Variants in USP36 observed in about 807,000 individuals in gnomAD.
The protein encoded by USP36 is ubiquitin specific peptidase 36.
In USP36, 59 loss-of-function variants were observed where a neutral mutation model predicts 111.5. That is an observed-to-expected ratio of 0.53 (90% CI 0.43 to 0.66). USP36 has a LOEUF of 0.66. USP36 is among the 30% of genes least tolerant of loss of function. The pLI is 0.00. For synonymous variants in USP36, 628 were observed against 581.0 expected (o/e 1.08, Z -1.16); for missense variants, 1,488 against 1,468.0 (o/e 1.01, Z -0.22).
intron 6 of USP36, among the ~76,000 whole-genome samples, chr17:78,824,378 C>G (rs970030161): frequency 6.6e-6 from 1 of 152,172 alleles, no homozygotes; most frequent in Non-Finnish European, 1.5e-5. Context: ...AAAACAGGAC[C>G]AGGTGCATTT....
rs1567925596 is a variant in USP36, at chr17:78,807,407, GA to G, written c.1636del (p.Ser546ProfsTer51). On this transcript the variant is annotated frameshift_variant, in exon 14 of 21. Transcript: ENST00000449938. LOFTEE classifies it high-confidence loss of function. The stretch of plus-strand genomic sequence containing the variant: ...AGGCAGCCCCTGAGCAGTTCTGGGG[GA>G]AAAGTGCTGTGGAGGAGCTGGCTTC... ...VKKPAPPQHF[S>X]PRTAQGLPGT... is the part of the protein sequence containing the mutation. 2.5e-6 allele frequency: 4 copies of G among 1,614,194 alleles called. No individual in the cohort carries two copies. Among genetic ancestry groups the G allele is most frequent in the Non-Finnish European group, 3.4e-6 (4 of 1,180,024 alleles).
intron 15 of USP36, among the ~76,000 whole-genome samples, chr17:78,804,288 C>G (rs1476963946): frequency 6.6e-6 from 1 of 151,786 alleles, no homozygotes; most frequent in African/African-American, 2.4e-5. Context: ...ATGGTGAAAC[C>G]CCATCTCTAC....
intron 15 of USP36, 54 bp downstream of exon 15, chr17:78,806,102 C>G (rs376357967): frequency 2.9e-5 from 47 of 1,608,302 alleles, no homozygotes; most frequent in East Asian, 2.5e-4. Context: ...GCCAAGCACA[C>G]GCAACCACAG....
chr17:78,799,595 C>T, intron 18 of USP36, 72 bp downstream of exon 18: 6 of 1,380,490 alleles, frequency 4.3e-6, no homozygotes, highest in Non-Finnish European at 6.1e-6. Context: ...CACCAGGATC[C>T]ATTCCACACC....
At chr17:78,827,562 G>A (rs1170060199) in intron 5 of USP36, among the ~76,000 whole-genome samples, 2 of 152,168 alleles carry the variant, frequency 1.3e-5, no homozygotes, top group Admixed American at 6.5e-5. Flanking sequence ...TTGCAGGCTT[G>A]AGCATTCACT....
At chr17:78,817,304 A>G (rs1421763032) in intron 10 of USP36, among the ~76,000 whole-genome samples, 2 of 152,216 alleles carry the variant, frequency 1.3e-5, no homozygotes, top group African/African-American at 4.8e-5. Flanking sequence ...GTTACACGAC[A>G]CCTGAGTCTA....
chr17:78,798,094 C>A lies in USP36; in HGVS notation c.*21-215G>T. On this transcript the variant is annotated intron_variant, in intron 20 of 20. Transcript: ENST00000449938. This position sits in a 1 kb window ranked among gnomAD's most constrained non-coding sequence, Gnocchi z 5.1. ...CCCACACATGCCCTTCTCCAAGTGA[C>A]CAGAACACATGCCACAGATGCCAGG... 2.8e-6 allele frequency: 1 copy of A among 351,888 alleles called. No individual in the cohort carries two copies. Among genetic ancestry groups the A allele is most frequent in the East Asian group, 4.7e-5 (1 of 21,056 alleles). The allele number at this position is 351,888 out of a possible 1,614,324, so 21.8% of individuals were successfully genotyped here.
In USP36 at chr17:78,799,695, G is replaced by A; in HGVS notation, c.3096C>T (p.Tyr1032=). Residue 1032 remains tyrosine (Y), a synonymous_variant, in exon 18 of 21, where the codon TAC becomes TAT. Coordinates refer to ENST00000449938, the MANE Select transcript of USP36 (RefSeq NM_001385174.1). The stretch of plus-strand genomic sequence containing the variant: ...TTCTCCCGTAAGCTTTATCAGATGA[G>A]TATTTGAGCAGTTCCTGGACCACAT... ...ESDVVQELLK[Y]SSDKAYGRKV... is the part of the protein sequence containing the mutation. 1 of 1,613,118 alleles carries A rather than the reference G, an allele frequency of 6.2e-7. No individual in the cohort carries two copies. Among genetic ancestry groups the A allele is most frequent in the Non-Finnish European group, 8.5e-7 (1 of 1,179,672 alleles).
chr17:78,821,033 C>G lies in USP36; in HGVS notation c.786G>C (p.Ser262=), dbSNP rs773635221. 1 of 1,607,196 alleles carries G rather than the reference C, an allele frequency of 6.2e-7. No homozygotes were observed. The highest frequency in any genetic ancestry group is 8.5e-7 in the Non-Finnish European group (1 of 1,176,858). ...RVKCSVCKSV[S]DTYDPYLDVA... ...CGTCCAAGTAGGGGTCGTAGGTGTC[C>G]GAGACGCTCTTGCACACGGAGCACT... Residue 262 remains serine (S), a synonymous_variant, in exon 8 of 21, where the codon TCG becomes TCC. Transcript: ENST00000449938.
At chr17:78,822,133 C>G (rs920781428) in intron 6 of USP36, 129 bp from the exon 7 acceptor site, 3 of 1,002,978 alleles carry the variant, frequency 3.0e-6, no homozygotes, top group Non-Finnish European at 4.6e-6. Context: ...ACCCCCCACC[C>G]GAGTCACCAC....
intron 3 of USP36, among the ~76,000 whole-genome samples, chr17:78,789,612 A>C (rs374268620): frequency 9.8e-5 from 15 of 152,324 alleles, no homozygotes; most frequent in African/African-American, 3.6e-4. Context: ...GAAAACCCCC[A>C]GATTTTATTT....
intron 12 of USP36, among the ~76,000 whole-genome samples, chr17:78,813,419 C>T (rs1308536702): frequency 2.0e-5 from 3 of 152,194 alleles, no homozygotes; most frequent in East Asian, 1.9e-4. Flanking sequence ...CCCACAAACA[C>T]GTCCTTCCCA....
In USP36 at chr17:78,798,904, A is replaced by C. The variant is rs564274157; in HGVS notation, c.3240+4T>G. ...AAGCCTGTGGTCAGCATCACACATC[A>C]TACCTTCCCTCGGTCAAACTCTTCG... On this transcript the variant is annotated splice_donor_region_variant and intron_variant, in intron 19 of 20. Transcript: ENST00000449938. The surrounding 1 kb of genome is among the most constrained non-coding windows in gnomAD (Gnocchi z 5.1). The C allele has an allele frequency of 6.2e-7, 1 of 1,613,942 alleles. No homozygotes were observed. Among genetic ancestry groups the C allele is most frequent in the Non-Finnish European group, 8.5e-7 (1 of 1,179,998 alleles).
rs886156224 is a variant in USP36 at position 78,835,344 on chromosome 17, G to C, written c.411C>G (p.Ile137Met). 7 of 1,614,234 alleles carry C rather than the reference G, an allele frequency of 4.3e-6. No individual in the cohort carries two copies. Among genetic ancestry groups the C allele is most frequent in the Non-Finnish European group, 5.9e-6 (7 of 1,180,042 alleles). Reference protein sequence around the residue: ...LGNTCFLNATIQCLTYTPPLA... With the variant: ...LGNTCFLNATMQCLTYTPPLA... ...GAGGTGGTGTGTAGGTCAAGCACTG[G>C]ATGGTGGCATTGAGAAAGCAGGTGT... Residue 137 changes from isoleucine to methionine, a missense_variant, in exon 4 of 21, where the codon ATC (isoleucine) becomes ATG (methionine). By Grantham distance (10) the Ile-to-Met change is conservative. Around this residue, in one of 3 missense-constraint regions of USP36, gnomAD observed 219 missense variants for 209.5 expected, o/e 1.05. Transcript: ENST00000449938.
intron 15 of USP36, 82 bp downstream of exon 15, chr17:78,806,074 T>C: frequency 1.3e-6 from 2 of 1,598,316 alleles, no homozygotes; most frequent in Non-Finnish European, 1.7e-6. Context: ...GGTTGGCGAT[T>C]CGTCCAACTC....
At chr17:78,829,315 A>G (rs181779751) in intron 4 of USP36, among the ~76,000 whole-genome samples, 6 of 152,342 alleles carry the variant, frequency 3.9e-5, no homozygotes, top group Admixed American at 2.6e-4. Flanking sequence ...AGATTTCACT[A>G]GTATTATTTA....
intron 6 of USP36, among the ~76,000 whole-genome samples, chr17:78,825,407 T>C (rs964288541): frequency 2.0e-5 from 3 of 152,074 alleles, no homozygotes; most frequent in Non-Finnish European, 4.4e-5. Flanking sequence ...ATTGGTGTCA[T>C]TCTTATTTTT....
In USP36 at chr17:78,820,032, G is replaced by A; in HGVS notation, c.829-20C>T. 1 of 1,613,244 alleles carries A rather than the reference G, an allele frequency of 6.2e-7. No individual in the cohort carries two copies. The highest frequency in any genetic ancestry group is 8.5e-7 in the Non-Finnish European group (1 of 1,179,428). ...AGCTTGCTGAGGAGGACAAAAACAG[G>A]GAGTAAAATACACAGCAGAGGAAAA... is the stretch of plus-strand genomic sequence containing the variant. On this transcript the variant is annotated intron_variant, in intron 8 of 20. Transcript: ENST00000449938.
chr17:78,804,862 C>T (rs1276367431), intron 15 of USP36, among the ~76,000 whole-genome samples: 2 of 152,024 alleles, frequency 1.3e-5, no homozygotes, highest in East Asian at 1.9e-4. Context: ...AAAAAGATCC[C>T]GTGAGGATTT....
Sources: allele counts gnomAD v4.1 joint callset (sites outside exome capture counted in the v4.1 genomes callset), GRCh38; gene constraint gnomAD v4.1.1; regional missense constraint gnomAD v4.1.1; non-coding constraint Gnocchi (gnomAD v3.1); transcripts MANE v1.5; gene names NCBI Gene and HGNC (gene_info 2026-07-23, HGNC 2026-07-21).